Variants in RASSF2 observed in about 807,000 individuals in gnomAD.
The protein encoded by RASSF2 is Ras association domain family member 2, also known as ras association domain-containing protein 2.
In RASSF2, 34 loss-of-function variants were observed where a neutral mutation model predicts 46.3. That is an observed-to-expected ratio of 0.73 (90% CI 0.56 to 0.98). The LOEUF (loss-of-function observed/expected upper bound fraction) is 0.98. Ranked by LOEUF, RASSF2 falls within the 50% of genes least tolerant of loss-of-function variation. RASSF2 has a pLI of 0.00. For synonymous variants in RASSF2, 158 were observed against 162.5 expected (o/e 0.97, Z 0.21); for missense variants, 364 against 431.2 (o/e 0.84, Z 1.38).
chr20:4,789,854 A>G (rs1281278190), intron 7 of RASSF2, among the ~76,000 whole-genome samples, 157 bp from the exon 8 acceptor site: 1 of 152,084 alleles, frequency 6.6e-6, no homozygotes, highest in Non-Finnish European at 1.5e-5. Context: ...AGACAAAGCA[A>G]CCCTCGGGGT....
intron 2 of RASSF2, among the ~76,000 whole-genome samples, chr20:4,805,679 G>A (rs151086924): frequency 1.2e-4 from 19 of 152,236 alleles, no homozygotes; most frequent in Middle Eastern, 3.4e-3. Context: ...GAAATAATCC[G>A]GGAGAAGAGC....
At chr20:4,796,433 C>T (rs557264444) in intron 4 of RASSF2, among the ~76,000 whole-genome samples, 5 of 152,250 alleles carry the variant, frequency 3.3e-5, no homozygotes, top group Admixed American at 3.3e-4. Flanking sequence ...CAACATTTGC[C>T]GAAGTTTATT....
At chr20:4,808,063 A>G (rs1204703009) in intron 2 of RASSF2, among the ~76,000 whole-genome samples, 1 of 152,164 alleles carries the variant, frequency 6.6e-6, no homozygotes, top group Non-Finnish European at 1.5e-5. Context: ...TTCCTCACAC[A>G]AGGAAGGTCA....
intron 11 of RASSF2, among the ~76,000 whole-genome samples, chr20:4,785,079 G>A (rs912968826): frequency 2.2e-4 from 33 of 150,376 alleles, no homozygotes; most frequent in African/African-American, 7.8e-4. Flanking sequence ...AGAGGCCGAG[G>A]AGGGTGGATC....
intron 10 of RASSF2, among the ~76,000 whole-genome samples, 185 bp from the exon 11 acceptor site, chr20:4,786,513 G>C (rs566926274): frequency 6.6e-6 from 1 of 152,150 alleles, no homozygotes; most frequent in Non-Finnish European, 1.5e-5. Flanking sequence ...TGCGATGATC[G>C]CTTCGCTTAC....
In RASSF2 at chr20:4,790,392, G is replaced by C; in HGVS notation, c.537+59C>G. On this transcript the variant is annotated intron_variant, in intron 7 of 11. Coordinates refer to ENST00000379400, the MANE Select transcript of RASSF2 (RefSeq NM_014737.3). The surrounding 1 kb of genome is among the most constrained non-coding windows in gnomAD (Gnocchi z 4.3). ...CCACCCACCATATGGCTGTAGCCCT[G>C]AGGTGGCATCTACCCAGGAAGAGGT... The C allele has an allele frequency of 7.2e-7, 1 of 1,388,874 alleles. No individual in the cohort carries two copies. 86.0% of individuals were successfully genotyped at this position (1,388,874 alleles called of 1,614,324 possible).
At chr20:4,806,925 T>G (rs1482860437) in intron 2 of RASSF2, among the ~76,000 whole-genome samples, 1 of 152,222 alleles carries the variant, frequency 6.6e-6, no homozygotes, top group African/African-American at 2.4e-5. Context: ...TATCATTTGG[T>G]AATTTAGTTC....
intron 2 of RASSF2, among the ~76,000 whole-genome samples, chr20:4,802,939 C>T (rs2079350169): frequency 7.0e-6 from 1 of 143,508 alleles, no homozygotes; most frequent in South Asian, 2.2e-4. Context: ...GACAGAGACT[C>T]ACTCTGTTAC....
chr20:4,817,719 G>A (rs1928413713), intron 2 of RASSF2, among the ~76,000 whole-genome samples: 1 of 152,188 alleles, frequency 6.6e-6, no homozygotes. Flanking sequence ...GATTATACTG[G>A]GTTAATGTCC....
At position 4,789,573 on chromosome 20, in the gene RASSF2, G is replaced by A. The variant is rs775938174; in HGVS notation, c.639+23C>T. On this transcript the variant is annotated intron_variant, in intron 8 of 11. Coordinates refer to ENST00000379400, the MANE Select transcript of RASSF2 (RefSeq NM_014737.3). ...AGGCACAGCTGTGACCCCATCTGTG[G>A]CCACTCAGCAAAGGGAACTTGCCTT... 1.4e-5 allele frequency: 23 copies of A among 1,598,298 alleles called. No individual in the cohort carries two copies. In the South Asian group the frequency reaches 2.5e-4, roughly 18 times the overall value.
intron 2 of RASSF2, among the ~76,000 whole-genome samples, chr20:4,804,875 A>G (rs1927214371): frequency 6.6e-6 from 1 of 152,004 alleles, no homozygotes; most frequent in African/African-American, 2.4e-5. Flanking sequence ...GGTGAGTGCT[A>G]TGGTAGCAAA....
At position 4,799,451 on chromosome 20, in the gene RASSF2, G is replaced by A. The variant is rs115124628; in HGVS notation, c.60-1366C>T. On this transcript the variant is annotated intron_variant, in intron 3 of 11. Transcript: ENST00000379400. ...TTTTGTCTAGTCTCAAGTAAGAGGT[G>A]GCAGAGTTCAGCCTCTCTGAACCCA... Among the ~76,000 whole-genome samples, 891 of 152,326 alleles carry A rather than the reference G, an allele frequency of 5.8e-3. 12 individuals are homozygous for A. Among genetic ancestry groups the A allele is most frequent in the African/African-American group, 0.02 (819 of 41,556 alleles).
chr20:4,790,434 C>G lies in RASSF2; in HGVS notation c.537+17G>C, dbSNP rs374326944. The G allele has an allele frequency of 4.0e-5, 58 of 1,441,592 alleles. No homozygotes were observed. In the African/African-American group the frequency reaches 8.2e-4, roughly 20 times the overall value. The allele number at this position is 1,441,592 out of a possible 1,614,324, so 89.3% of individuals were successfully genotyped here. The stretch of plus-strand genomic sequence containing the variant: ...GGAAGAGGTCTTCCACCCTCCCCGT[C>G]CCCCTGTCCACCTTACCTTATGGTT... On this transcript the variant is annotated intron_variant, in intron 7 of 11. Coordinates refer to ENST00000379400, the MANE Select transcript of RASSF2 (RefSeq NM_014737.3). The surrounding 1 kb of genome is among the most constrained non-coding windows in gnomAD (Gnocchi z 4.3).
intron 2 of RASSF2, among the ~76,000 whole-genome samples, chr20:4,807,921 A>G (rs886142980): frequency 5.3e-5 from 8 of 152,214 alleles, no homozygotes; most frequent in Admixed American, 1.3e-4. Context: ...CCACCTTCAC[A>G]AAGCACTGTC....
chr20:4,793,655 T>A lies in RASSF2; in HGVS notation c.288-1028A>T, dbSNP rs1373646794. ...ATCCTTATTTTTTTTTTTTATTTTA[T>A]TTTTTTGTAGAGACAGGGTTTCACC... On this transcript the variant is annotated intron_variant, in intron 5 of 11. Coordinates refer to ENST00000379400, the MANE Select transcript of RASSF2 (RefSeq NM_014737.3). 2.7e-5 allele frequency among the ~76,000 whole-genome samples: 4 copies of A among 150,740 alleles called. No homozygotes were observed. In the East Asian group the frequency reaches 7.8e-4, roughly 29 times the overall value.
At chr20:4,803,907 A>G (rs1415761308) in intron 2 of RASSF2, among the ~76,000 whole-genome samples, 2 of 152,024 alleles carry the variant, frequency 1.3e-5, no homozygotes, top group African/African-American at 4.8e-5. Context: ...AAAAATAAAA[A>G]ATTAGCCAGA....
At chr20:4,810,574 A>G (rs1401458801) in intron 2 of RASSF2, among the ~76,000 whole-genome samples, 1 of 152,028 alleles carries the variant, frequency 6.6e-6, no homozygotes, top group African/African-American at 2.4e-5. Flanking sequence ...CAGCCTGGAG[A>G]CCCAGCACCT....
In RASSF2 at chr20:4,783,389, G is replaced by A. The variant is rs185939822; in HGVS notation, c.*884C>T. ...TGGTCAGCACTGTGTACGCACCAGC[G>A]AGATCTTTGTTTCTTGAGACATTTC... On this transcript the variant is annotated 3_prime_UTR_variant, in exon 12 of 12. Transcript: ENST00000379400. 1 of 152,370 alleles carries A rather than the reference G, an allele frequency of 6.6e-6. No individual in the cohort carries two copies. The highest frequency in any genetic ancestry group is 1.9e-4 in the East Asian group (1 of 5,186). The allele number at this position is 152,370 out of a possible 1,614,324, so 9.4% of individuals were successfully genotyped here.
intron 10 of RASSF2, 54 bp downstream of exon 10, chr20:4,787,579 C>T (rs202096148): frequency 6.2e-6 from 10 of 1,610,372 alleles, no homozygotes; most frequent in Non-Finnish European, 7.6e-6. Flanking sequence ...ACAGGTGGTC[C>T]AACCAAATCC....
Sources: gnomAD v4.1 joint callset for allele counts (sites outside exome capture counted in the v4.1 genomes callset) on GRCh38, gnomAD v4.1.1 for gene constraint, Gnocchi (gnomAD v3.1) non-coding constraint, MANE v1.5 for transcripts, NCBI Gene and HGNC (gene_info 2026-07-23, HGNC 2026-07-21) for gene names.